The following ZNF114 variants were observed in gnomAD, a reference collection of about 807,000 sequenced individuals.
The protein encoded by ZNF114 is zinc finger protein 114.
ZNF114 carries 8 observed loss-of-function variants against 6.8 expected under a neutral mutation model. That is an observed-to-expected ratio of 1.18 (90% CI 0.69 to 2.13). The LOEUF (loss-of-function observed/expected upper bound fraction) is 2.13, where lower values mean the gene tolerates loss of function less well. Among genes scored for constraint, ZNF114 ranks in the 30% most tolerant of loss-of-function variants. The pLI, the probability that ZNF114 is intolerant of heterozygous loss-of-function variation, is 0.00. For missense variants in ZNF114, 472 were observed against 519.5 expected, an observed-to-expected ratio of 0.91 and a Z score of 0.89; for synonymous variants, 169 against 185.5, an observed-to-expected ratio of 0.91 and a Z score of 0.72.
chr19:48,278,660 GGGCCA>G (rs376142423), intron 3 of ZNF114, among the ~76,000 whole-genome samples: 8,424 of 152,124 alleles, frequency 0.055, 488 homozygotes, highest in African/African-American at 0.15. Flanking sequence ...ATACCGCTAT[GGGCCA>G]GGTGCGGTGC....
At chr19:48,283,257 G>T (rs1968039445) in intron 5 of ZNF114, among the ~76,000 whole-genome samples, 1 of 152,180 alleles carries the variant, frequency 6.6e-6, no homozygotes, top group African/African-American at 2.4e-5. Context: ...TGGTGCACAG[G>T]AAAAGGGTCG....
At chr19:48,275,122 G>A (rs142854602) in intron 3 of ZNF114, among the ~76,000 whole-genome samples, 2,259 of 145,978 alleles carry the variant, frequency 0.015, 51 homozygotes, top group African/African-American at 0.054. Context: ...AGCCAGGGCA[G>A]CAGAGTGAGA....
chr19:48,282,490 A>T lies in ZNF114; in HGVS notation c.129A>T (p.Ala43=). The T allele has an allele frequency of 6.2e-7, 1 of 1,609,116 alleles. No homozygotes were observed. The highest frequency in any genetic ancestry group is 8.5e-7 in the Non-Finnish European group (1 of 1,176,372). The change falls in exon 5 of 6, where the codon GCA becomes GCT. Residue 43 remains alanine, a synonymous_variant. Coordinates refer to ENST00000595607, the MANE Select transcript of ZNF114 (RefSeq NM_153608.4). ...DVMLENSRNL[A]FIDWATPCKT... Reference sequence around the variant, plus strand: ...TGCTGGAAAATTCTAGGAACTTGGCATTCATAGGTAAGGAGGCCCCCTTCC... The same window carrying T: ...TGCTGGAAAATTCTAGGAACTTGGCTTTCATAGGTAAGGAGGCCCCCTTCC...
intron 5 of ZNF114, among the ~76,000 whole-genome samples, chr19:48,285,503 AAGAG>A (rs911110579): frequency 6.6e-6 from 1 of 151,696 alleles, no homozygotes; most frequent in African/African-American, 2.4e-5. Context: ...GTCTAAAGAA[AAGAG>A]AGAAAGACAG....
At chr19:48,279,345 C>A (rs1967927305) in intron 3 of ZNF114, among the ~76,000 whole-genome samples, 1 of 146,514 alleles carries the variant, frequency 6.8e-6, no homozygotes, top group Non-Finnish European at 1.5e-5. Flanking sequence ...CTGTAGTGAG[C>A]CATGATTGCA....
At chr19:48,274,084 A>G (rs1332102662) in intron 3 of ZNF114, among the ~76,000 whole-genome samples, 2 of 149,444 alleles carry the variant, frequency 1.3e-5, no homozygotes, top group Non-Finnish European at 3.0e-5. Context: ...ATTTTTATAC[A>G]TGTATATATA....
intron 4 of ZNF114, 48 bp downstream of exon 4, chr19:48,279,856 G>A (rs1967945872): frequency 3.1e-6 from 5 of 1,613,328 alleles, no homozygotes; most frequent in East Asian, 2.2e-5. Context: ...TCGTTCCCAC[G>A]AGTCAATGTG....
intron 5 of ZNF114, among the ~76,000 whole-genome samples, chr19:48,285,106 G>A (rs989038450): frequency 1.3e-5 from 2 of 152,186 alleles, no homozygotes; most frequent in Non-Finnish European, 2.9e-5. Context: ...TCACATTCCT[G>A]ACACTGCAGA....
chr19:48,270,857 T>C (rs1246544280), intron 1 of ZNF114, among the ~76,000 whole-genome samples: 1 of 151,640 alleles, frequency 6.6e-6, no homozygotes, highest in African/African-American at 2.4e-5. Flanking sequence ...GGCGGGCGGA[T>C]CACGAGGTCA....
intron 4 of ZNF114, among the ~76,000 whole-genome samples, chr19:48,280,374 A>C (rs998375207): frequency 2.6e-5 from 4 of 152,040 alleles, no homozygotes; most frequent in Middle Eastern, 3.4e-3. Context: ...ACAGAGTAAG[A>C]CTGTCTCTAA....
intron 3 of ZNF114, 111 bp from the exon 4 acceptor site, chr19:48,279,620 A>G (rs1967940138): frequency 1.5e-6 from 1 of 661,520 alleles, no homozygotes; most frequent in African/African-American, 1.8e-5. Flanking sequence ...GTGGTGGGGA[A>G]GTGTGTGCAC....
At chr19:48,274,498 ATATATATATTTTTTTTT>A (rs752346055) in intron 3 of ZNF114, among the ~76,000 whole-genome samples, 18 of 48,686 alleles carry the variant, frequency 3.7e-4, no homozygotes, top group Admixed American at 9.5e-4. Flanking sequence ...ATATATATAT[ATATATATATTTTTTTTT>A]TTTTTTTTGA....
In ZNF114 at chr19:48,270,518, G is replaced by T. The variant is rs1415412628; in HGVS notation, c.-377+299G>T. ...AGGAAAGAAAGAAAGAAAGAGAAAGGGAGGGAGAGAGAGAAAGGAAAGAAG... is the reference window on the plus strand; with the variant it reads ...AGGAAAGAAAGAAAGAAAGAGAAAGTGAGGGAGAGAGAGAAAGGAAAGAAG... On this transcript the variant is annotated intron_variant, in intron 1 of 5. Transcript: ENST00000595607. 2.1e-5 allele frequency among the ~76,000 whole-genome samples: 3 copies of T among 139,756 alleles called. No individual in the cohort carries two copies. In the East Asian group the frequency reaches 6.3e-4, roughly 29 times the overall value. 91.7% of individuals were successfully genotyped at this position (139,756 alleles called of 152,430 possible). A position where few individuals can be genotyped will look rare whatever the true frequency, so the allele number is the denominator to read the frequency against.
chr19:48,274,875 G>A (rs544262659), intron 3 of ZNF114, among the ~76,000 whole-genome samples: 2 of 152,180 alleles, frequency 1.3e-5, no homozygotes, highest in South Asian at 4.2e-4. Flanking sequence ...TCACACCCTC[G>A]AACTTGCCTC....
At chr19:48,279,634 T>A in intron 3 of ZNF114, 97 bp from the exon 4 acceptor site, 1 of 788,536 alleles carries the variant, frequency 1.3e-6, no homozygotes, top group Non-Finnish European at 2.1e-6. Context: ...TGTGCACACG[T>A]GCATTTATAT....
At chr19:48,277,835 T>TGTGTGTGTGTG (rs1967886817) in intron 3 of ZNF114, among the ~76,000 whole-genome samples, 1 of 15,052 alleles carries the variant, frequency 6.6e-5, no homozygotes, top group Non-Finnish European at 2.1e-4. Flanking sequence ...GTGTGTGTGT[T>TGTGTGTGTGTG]CGTGACGATA....
Position 48,286,114 on chromosome 19 carries a change from T to G in ZNF114, c.490T>G (p.Leu164Val), listed in dbSNP as rs769660450. ...DSSIFKYNPV[L>V]NDSQKTHENN... ...AAGTATTTTCAAGTATAATCCTGTC[T>G]TAAACGATAGTCAAAAAACACATGA... The change falls in exon 6 of 6, where the codon TTA becomes GTA. Residue 164 changes from leucine to valine, a missense_variant. Coordinates refer to ENST00000595607, the MANE Select transcript of ZNF114 (RefSeq NM_153608.4). 3 of 1,614,168 alleles carry G rather than the reference T, an allele frequency of 1.9e-6. No homozygotes were observed. Among genetic ancestry groups the G allele is most frequent in the East Asian group, 2.2e-5 (1 of 44,886 alleles).
chr19:48,275,419 A>AACACACAC (rs58275965), intron 3 of ZNF114, among the ~76,000 whole-genome samples: 2,782 of 133,128 alleles, frequency 0.021, 79 homozygotes, highest in African/African-American at 0.05. Context: ...TCTCTACTAA[A>AACACACAC]ACACACACAC....
chr19:48,283,172 C>T (rs1337657900), intron 5 of ZNF114, among the ~76,000 whole-genome samples: 1 of 152,064 alleles, frequency 6.6e-6, no homozygotes, highest in Non-Finnish European at 1.5e-5. Flanking sequence ...TGCTCTACCA[C>T]CCCCAGCTAA....
Sources: allele counts gnomAD v4.1 joint callset (sites outside exome capture counted in the v4.1 genomes callset), GRCh38; gene constraint gnomAD v4.1.1; transcripts MANE v1.5; gene names NCBI Gene and HGNC (gene_info 2026-07-23, HGNC 2026-07-21).